Variants in NREP observed in about 807,000 individuals in gnomAD.
The protein encoded by NREP is neuronal regeneration-related protein.
NREP carries 5 observed loss-of-function variants against 8.6 expected under a neutral mutation model. The ratio of observed to expected loss-of-function variants is 0.58; its 90% CI spans 0.30 to 1.22. NREP has a LOEUF of 1.22. NREP is among the 50% of genes most tolerant of loss of function. The probability of loss-of-function intolerance (pLI) is 0.07; values close to 1 mark genes in which losing one functional copy is unlikely to be tolerated. For synonymous variants in NREP, 27 were observed against 28.0 expected, an observed-to-expected ratio of 0.96 and a Z score of 0.11; for missense variants, 86 against 82.5, an observed-to-expected ratio of 1.04 and a Z score of -0.17.
chr5:111,905,433 A>G (rs1754757830), intron 2 of NREP, among the ~76,000 whole-genome samples: 2 of 152,166 alleles, frequency 1.3e-5, no homozygotes, highest in Non-Finnish European at 1.5e-5. Context: ...GTGCTAAAAT[A>G]TTGAAGTAGA....
At chr5:111,926,481 C>A (rs1264940986) in intron 2 of NREP, among the ~76,000 whole-genome samples, 1 of 152,038 alleles carries the variant, frequency 6.6e-6, no homozygotes, top group Non-Finnish European at 1.5e-5. Context: ...GACTTCAGAC[C>A]ATTTGCCCTT....
intron 2 of NREP, among the ~76,000 whole-genome samples, chr5:111,888,889 A>G (rs1482711086): frequency 6.6e-6 from 1 of 152,190 alleles, no homozygotes; most frequent in Non-Finnish European, 1.5e-5. Context: ...ATGAGCAAAT[A>G]TGTAACTGCA....
upstream of NREP, among the ~76,000 whole-genome samples, chr5:111,761,236 C>T (rs1015711789): frequency 2.6e-5 from 4 of 152,146 alleles, no homozygotes; most frequent in Admixed American, 6.5e-5. Flanking sequence ...TAGAACAAAA[C>T]TTATATGATG....
intron 2 of NREP, among the ~76,000 whole-genome samples, chr5:111,842,658 ATT>A (rs2112950706): frequency 6.6e-6 from 1 of 152,250 alleles, no homozygotes; most frequent in Non-Finnish European, 1.5e-5. Context: ...ATTTGACTAT[ATT>A]TTTACATTAT....
At chr5:111,775,544 G>A (rs940604064) in intron 2 of NREP, among the ~76,000 whole-genome samples, 5 of 151,836 alleles carry the variant, frequency 3.3e-5, no homozygotes, top group African/African-American at 4.8e-5. Context: ...TTATACATGC[G>A]GTCTTCCTTT....
intron 2 of NREP, among the ~76,000 whole-genome samples, chr5:111,971,839 T>A (rs1001433569): frequency 5.3e-5 from 8 of 152,034 alleles, no homozygotes; most frequent in Middle Eastern, 3.2e-3. Context: ...GGACAATGAT[T>A]TTTTTTAATG....
intron 2 of NREP, among the ~76,000 whole-genome samples, chr5:111,789,614 T>C (rs938605692): frequency 2.4e-4 from 36 of 152,336 alleles, no homozygotes; most frequent in Admixed American, 9.8e-4. Context: ...CTATAGTTTC[T>C]CTACCATGGG....
chr5:111,952,297 CAGTCAAAGAAATAAGGATT>C, intron 2 of NREP, among the ~76,000 whole-genome samples: 1 of 152,132 alleles, frequency 6.6e-6, no homozygotes, highest in South Asian at 2.1e-4. Flanking sequence ...AATGAGAATA[CAGTCAAAGAAATAAGGATT>C]CATCTGTGCC....
intron 2 of NREP, among the ~76,000 whole-genome samples, chr5:111,838,707 A>G (rs1230363635): frequency 6.6e-6 from 1 of 151,746 alleles, no homozygotes; most frequent in East Asian, 1.9e-4. Flanking sequence ...TCATGATGAT[A>G]TATATATATG....
intron 2 of NREP, among the ~76,000 whole-genome samples, chr5:111,843,807 T>C (rs1753091003): frequency 6.6e-6 from 1 of 152,166 alleles, no homozygotes. Flanking sequence ...CTGGTTGCCC[T>C]GGTTTCTGGG....
chr5:111,758,726 C>T (rs1353678481), upstream of NREP, among the ~76,000 whole-genome samples: 10 of 152,212 alleles, frequency 6.6e-5, no homozygotes, highest in Admixed American at 3.9e-4. Context: ...AACGTGTTTA[C>T]AGAATGTCTG....
chr5:111,785,391 G>A (rs942073780), intron 2 of NREP, among the ~76,000 whole-genome samples: 2 of 152,070 alleles, frequency 1.3e-5, no homozygotes, highest in African/African-American at 4.8e-5. Context: ...CAATTCTCCT[G>A]CCTCAGCCTC....
chr5:111,928,432 A>T (rs187879659), intron 2 of NREP, among the ~76,000 whole-genome samples: 1 of 152,122 alleles, frequency 6.6e-6, no homozygotes, highest in Admixed American at 6.5e-5. Context: ...TTTATGTCAG[A>T]AAAAAATCTG....
At chr5:111,970,703 G>T (rs922344209) in intron 2 of NREP, among the ~76,000 whole-genome samples, 1 of 151,664 alleles carries the variant, frequency 6.6e-6, no homozygotes, top group Non-Finnish European at 1.5e-5. Flanking sequence ...GCATGCGCCT[G>T]TAAGCCTAGC....
intron 2 of NREP, among the ~76,000 whole-genome samples, chr5:111,950,805 G>C (rs907760888): frequency 6.6e-6 from 1 of 151,486 alleles, no homozygotes; most frequent in African/African-American, 2.4e-5. Context: ...ATGAAAAAAA[G>C]CTCATCATCA....
chr5:111,828,990 G>A (rs1264162292), intron 2 of NREP, among the ~76,000 whole-genome samples: 1 of 152,118 alleles, frequency 6.6e-6, no homozygotes, highest in South Asian at 2.1e-4. Context: ...GACATTTAGA[G>A]GGGGAGACAG....
chr5:111,818,996 T>C (rs2112922285), intron 2 of NREP, among the ~76,000 whole-genome samples: 1 of 152,340 alleles, frequency 6.6e-6, no homozygotes, highest in East Asian at 1.9e-4. Flanking sequence ...ACTTGTTAGA[T>C]ATAGTGAACT....
chr5:111,796,527 G>T (rs1050895337), intron 2 of NREP, among the ~76,000 whole-genome samples: 1 of 152,118 alleles, frequency 6.6e-6, no homozygotes, highest in Non-Finnish European at 1.5e-5. Flanking sequence ...CAAGTCTAAG[G>T]TCATCTGCTT....
chr5:111,740,716 C>T (rs1197225670), intron 2 of NREP, among the ~76,000 whole-genome samples: 1 of 152,110 alleles, frequency 6.6e-6, no homozygotes, highest in Non-Finnish European at 1.5e-5. Flanking sequence ...ACTTTTTAAG[C>T]TTTTCATTTC....
Sources: allele counts gnomAD v4.1 joint callset (sites outside exome capture counted in the v4.1 genomes callset), GRCh38; gene constraint gnomAD v4.1.1; transcripts MANE v1.5; gene names NCBI Gene and HGNC (gene_info 2026-07-23, HGNC 2026-07-21).